Variants in PDLIM2 observed in about 807,000 individuals in gnomAD.
PDLIM2 encodes the protein PDZ and LIM domain protein 2.
PDLIM2 carries 51 observed loss-of-function variants against 54.1 expected under a neutral mutation model. The ratio of observed to expected loss-of-function variants is 0.94; its 90% CI spans 0.75 to 1.19. The LOEUF (loss-of-function observed/expected upper bound fraction) is 1.19. Among genes scored for constraint, PDLIM2 ranks in the 50% most tolerant of loss-of-function variants. The probability of loss-of-function intolerance (pLI) is 0.00; values close to 1 mark genes in which losing one functional copy is unlikely to be tolerated. For missense variants in PDLIM2, 912 were observed against 874.0 expected, an observed-to-expected ratio of 1.04 and a Z score of -0.55; for synonymous variants, 398 against 385.6, an observed-to-expected ratio of 1.03 and a Z score of -0.38.
At chr8:22,583,667 G>T (rs1800278177) in intron 3 of PDLIM2, among the ~76,000 whole-genome samples, 1 of 151,924 alleles carries the variant, frequency 6.6e-6, no homozygotes, top group African/African-American at 2.4e-5. Context: ...CTGGGGGGCT[G>T]AGGCAGGGAG....
At chr8:22,589,303 C>T (rs997006907) in exon 7 of PDLIM2, 2 of 1,533,988 alleles carry the variant, frequency 1.3e-6, no homozygotes, top group African/African-American at 1.4e-5. Flanking sequence ...AACAGGCCGG[C>T]CTCGGCCGCG....
chr8:22,581,553 G>A (rs1205378094), intron 3 of PDLIM2, 23 bp downstream of exon 2: 1 of 1,544,098 alleles, frequency 6.5e-7, no homozygotes, highest in Non-Finnish European at 8.7e-7. Context: ...GCTCTGCAGA[G>A]CCTGTGGCAT....
intron 3 of PDLIM2, among the ~76,000 whole-genome samples, chr8:22,583,155 T>TAA (rs1419149837): frequency 1.3e-5 from 2 of 152,076 alleles, no homozygotes; most frequent in East Asian, 1.9e-4. Context: ...AGACTTCAGT[T>TAA]ACCTCCCATT....
At chr8:22,589,966 A>T in intron 8 of PDLIM2, 1 of 570,052 alleles carries the variant, frequency 1.8e-6, no homozygotes, top group East Asian at 3.0e-5. Flanking sequence ...AGTAGTGGGC[A>T]GTAGCCAGCT....
At chr8:22,579,244 C>T in exon 1 of PDLIM2, 1 of 1,362,164 alleles carries the variant, frequency 7.3e-7, no homozygotes, top group Non-Finnish European at 9.4e-7. Context: ...CCCACCTGCG[C>T]CTCTCCGCGC....
chr8:22,593,455 T>C, intron 9 of PDLIM2: 1 of 400,638 alleles, frequency 2.5e-6, no homozygotes, highest in East Asian at 4.2e-5. Flanking sequence ...CACATGCTTG[T>C]AATCCCAGCT....
downstream of PDLIM2, chr8:22,594,600 A>T (rs149227360): frequency 6.2e-7 from 1 of 1,614,066 alleles, no homozygotes; most frequent in East Asian, 2.2e-5. Flanking sequence ...GAGGGCGCCA[A>T]GCGGAGGGAC....
In PDLIM2 at chr8:22,591,534, G is replaced by GTC; in HGVS notation, c.1514-15_1514-14dup. On this transcript the variant is annotated splice_polypyrimidine_tract_variant and intron_variant, in intron 8 of 9. Coordinates refer to ENST00000308354, the Ensembl canonical transcript of PDLIM2. ...GTTGGTGGGCTCTCACCACATGTCT[G>GTC]TCTGCCCTGCCCCCAGGTGGCACGC... The GTC allele has an allele frequency of 6.2e-7, 1 of 1,610,026 alleles. No individual in the cohort carries two copies. The highest frequency in any genetic ancestry group is 1.7e-4 in the Middle Eastern group (1 of 6,052).
intron 6 of PDLIM2, among the ~76,000 whole-genome samples, chr8:22,585,886 G>C (rs933104156): frequency 6.6e-6 from 1 of 150,814 alleles, no homozygotes; most frequent in Admixed American, 6.6e-5. Flanking sequence ...TGCCTTGAGC[G>C]CTCTTGGCTT....
intron 3 of PDLIM2, 127 bp from the exon 3 acceptor site, chr8:22,584,694 C>T (rs1044837892): frequency 2.1e-5 from 17 of 800,884 alleles, no homozygotes; most frequent in African/African-American, 1.2e-4. Context: ...AGTTGACAAC[C>T]GGATGTCCAA....
downstream of PDLIM2, chr8:22,597,643 G>T (rs759708245): frequency 1.3e-5 from 2 of 152,546 alleles, no homozygotes; most frequent in Non-Finnish European, 2.9e-5. Flanking sequence ...AATTCAGGGC[G>T]CGATCTGGCA....
exon 10 of PDLIM2, chr8:22,593,786 C>G (rs958248299): frequency 1.2e-6 from 2 of 1,605,496 alleles, no homozygotes; most frequent in East Asian, 2.2e-5. Flanking sequence ...GGCTGCTACA[C>G]CTGTGCCGAC....
chr8:22,591,058 C>A, intron 8 of PDLIM2: 1 of 194,174 alleles, frequency 5.2e-6, no homozygotes, highest in Non-Finnish European at 1.1e-5. Flanking sequence ...CAGGAGGCAG[C>A]ACAGGGAGAG....
intron 6 of PDLIM2, among the ~76,000 whole-genome samples, chr8:22,585,894 C>T (rs985786072): frequency 2.8e-4 from 42 of 151,198 alleles, no homozygotes; most frequent in African/African-American, 1.0e-3. Flanking sequence ...GCGCTCTTGG[C>T]TTATTCTGTC....
chr8:22,584,832 C>T (rs750275608), exon 4 of PDLIM2: 20 of 1,613,970 alleles, frequency 1.2e-5, no homozygotes, highest in South Asian at 5.5e-5. Context: ...TCTCAGGCTA[C>T]GTCTCCAGGG....
chr8:22,583,040 G>A (rs949339616), intron 3 of PDLIM2, among the ~76,000 whole-genome samples: 2 of 151,798 alleles, frequency 1.3e-5, no homozygotes, highest in Non-Finnish European at 2.9e-5. Context: ...CTGATCCCAT[G>A]GCTCTCCCAG....
intron 3 of PDLIM2, among the ~76,000 whole-genome samples, chr8:22,584,378 G>A (rs1047911486): frequency 3.3e-5 from 5 of 151,844 alleles, no homozygotes; most frequent in South Asian, 2.1e-4. Flanking sequence ...GCACAATCAC[G>A]GCTCACTACA....
At chr8:22,596,241 A>T (rs746882049), downstream of PDLIM2, 1 of 152,228 alleles carries the variant, frequency 6.6e-6, no homozygotes, top group Non-Finnish European at 1.5e-5. Context: ...ATAAGTGGGG[A>T]CTGGGGACAT....
downstream of PDLIM2, chr8:22,595,574 C>T (rs1800668773): frequency 6.6e-6 from 1 of 152,226 alleles, no homozygotes; most frequent in Admixed American, 6.5e-5. Flanking sequence ...CCAAGGGCTA[C>T]CTTGGAACGC....
Sources: allele counts gnomAD v4.1 joint callset (sites outside exome capture counted in the v4.1 genomes callset), GRCh38; gene constraint gnomAD v4.1.1; transcripts MANE v1.5; gene names NCBI Gene and HGNC (gene_info 2026-07-23, HGNC 2026-07-21).